The following ATP10A variants were observed in gnomAD, a reference collection of about 807,000 sequenced individuals.
ATP10A encodes the protein ATPase phospholipid transporting 10A (putative).
In ATP10A, 111 loss-of-function variants were observed where a neutral mutation model predicts 147.8. The ratio of observed to expected loss-of-function variants is 0.75; its 90% CI spans 0.64 to 0.88. The LOEUF (loss-of-function observed/expected upper bound fraction) is 0.88. Among genes scored for constraint, ATP10A ranks in the 40% least tolerant of loss-of-function variants. ATP10A has a pLI of 0.00. For synonymous variants in ATP10A, 875 were observed against 841.6 expected (o/e 1.04, Z -0.69); for missense variants, 1,927 against 1,959.0 (o/e 0.98, Z 0.31).
chr15:25,846,180 C>T (rs565632518), intron 1 of ATP10A, among the ~76,000 whole-genome samples: 16 of 151,982 alleles, frequency 1.1e-4, no homozygotes, highest in Non-Finnish European at 1.8e-4. Flanking sequence ...TAGTGTTTCA[C>T]GGGCACAAAG....
In ATP10A at chr15:25,774,208, A is replaced by G. The variant is rs534283858; in HGVS notation, c.654+6811T>C. ...AAAAAATTTTAAGTTTCCACACAAT[A>G]TAAGAAGATCTTTTTGGATAAATAT... On this transcript the variant is annotated intron_variant, in intron 2 of 20. Coordinates refer to ENST00000555815, the MANE Select transcript of ATP10A (RefSeq NM_024490.4). 1.8e-3 allele frequency among the ~76,000 whole-genome samples: 278 copies of G among 152,374 alleles called. 1 individual carries two copies. The highest frequency in any genetic ancestry group is 3.4e-3 in the Non-Finnish European group (232 of 68,034).
At chr15:25,680,347 C>T (rs758670645) in intron 19 of ATP10A, 39 bp from the exon 20 acceptor site, 2 of 1,585,748 alleles carry the variant, frequency 1.3e-6, no homozygotes, top group Non-Finnish European at 1.7e-6. Flanking sequence ...TTATTTCCAC[C>T]TAAAAGTGAC....
At chr15:25,799,005 T>TA (rs1481679033) in intron 1 of ATP10A, among the ~76,000 whole-genome samples, 2 of 152,138 alleles carry the variant, frequency 1.3e-5, no homozygotes, top group African/African-American at 2.4e-5. Context: ...AACCATAAGG[T>TA]GCCTGTTTGG....
chr15:25,844,939 T>G (rs1478861959), intron 1 of ATP10A, among the ~76,000 whole-genome samples: 1 of 152,220 alleles, frequency 6.6e-6, no homozygotes. Flanking sequence ...TGTGTGCTTC[T>G]GATTTTATCC....
chr15:25,692,788 ATTCT>A (rs1266225009), intron 14 of ATP10A, among the ~76,000 whole-genome samples: 9 of 152,150 alleles, frequency 5.9e-5, no homozygotes, highest in South Asian at 4.2e-4. Context: ...GCTTTAACGC[ATTCT>A]TTCTTTCTTT....
chr15:25,771,910 G>A (rs780472159), intron 2 of ATP10A, among the ~76,000 whole-genome samples: 2 of 151,910 alleles, frequency 1.3e-5, no homozygotes, highest in Non-Finnish European at 2.9e-5. Context: ...CCACCACCAC[G>A]CCTGGATAAT....
intron 1 of ATP10A, 194 bp downstream of exon 1, chr15:25,862,454 G>T: frequency 1.4e-6 from 1 of 703,980 alleles, no homozygotes; most frequent in Non-Finnish European, 2.4e-6. Flanking sequence ...CTTTAGCTGC[G>T]GCGGAGGCAC....
intron 2 of ATP10A, among the ~76,000 whole-genome samples, chr15:25,761,512 A>G (rs1888756384): frequency 6.6e-6 from 1 of 152,372 alleles, no homozygotes; most frequent in African/African-American, 2.4e-5. Flanking sequence ...GCCAGCTGTG[A>G]AAGCAGCCAG....
At chr15:25,820,467 T>C (rs1460344217) in intron 1 of ATP10A, among the ~76,000 whole-genome samples, 1 of 152,078 alleles carries the variant, frequency 6.6e-6, no homozygotes, top group Non-Finnish European at 1.5e-5. Context: ...AGAAGAGCAA[T>C]CCCAACTAAA....
chr15:25,751,952 A>G (rs759213460), intron 2 of ATP10A, among the ~76,000 whole-genome samples: 6 of 151,596 alleles, frequency 4.0e-5, no homozygotes, highest in Non-Finnish European at 8.8e-5. Flanking sequence ...GCAAATTAGA[A>G]CCACAATGAG....
In ATP10A at chr15:25,687,105, G is replaced by A. The variant is rs1338127622; in HGVS notation, c.3291+598C>T. Among the ~76,000 whole-genome samples the A allele has an allele frequency of 1.9e-5, 2 of 107,666 alleles. 1 individual carries two copies. Among genetic ancestry groups the A allele is most frequent in the Non-Finnish European group, 3.4e-5 (2 of 59,650 alleles). The allele number at this position is 107,666 out of a possible 152,430, so 70.6% of individuals were successfully genotyped here. On this transcript the variant is annotated intron_variant, in intron 16 of 20. Coordinates refer to ENST00000555815, the MANE Select transcript of ATP10A (RefSeq NM_024490.4). The stretch of plus-strand genomic sequence containing the variant: ...AGCCTCCCTGACCTAGGGGCTTGCC[G>A]CCTGTCACCTGTCCTGGTGTGGGTG...
intron 12 of ATP10A, among the ~76,000 whole-genome samples, chr15:25,707,650 G>A (rs1901114527): frequency 1.1e-5 from 1 of 87,152 alleles, no homozygotes; most frequent in Non-Finnish European, 2.2e-5. Context: ...AAGTTTCCCT[G>A]TTTCCCGAGG....
chr15:25,683,501 G>A lies in ATP10A; in HGVS notation c.3292-15C>T. ...CCCACGAACATCTGAAATCAAGAAA[G>A]GAAGAACAGGAACAGGCGAGTCTTC... On this transcript the variant is annotated splice_polypyrimidine_tract_variant and intron_variant, in intron 16 of 20. Transcript: ENST00000555815. The A allele has an allele frequency of 6.2e-7, 1 of 1,603,652 alleles. No individual in the cohort carries two copies. The highest frequency in any genetic ancestry group is 1.1e-5 in the South Asian group (1 of 89,604).
chr15:25,861,340 G>T (rs12900932), intron 1 of ATP10A, among the ~76,000 whole-genome samples: 95,404 of 152,100 alleles, frequency 0.63, 35,444 homozygotes, highest in Non-Finnish European at 0.8. Flanking sequence ...AGCTGTGCGG[G>T]CGGGAAGACC....
At chr15:25,689,910 G>A (rs956507325) in intron 15 of ATP10A, among the ~76,000 whole-genome samples, 1 of 152,252 alleles carries the variant, frequency 6.6e-6, no homozygotes, top group Non-Finnish European at 1.5e-5. Context: ...ATGTTTACTA[G>A]ACGAGTTTCC....
At chr15:25,856,622 C>T (rs1330199568) in intron 1 of ATP10A, among the ~76,000 whole-genome samples, 4 of 152,168 alleles carry the variant, frequency 2.6e-5, no homozygotes, top group Admixed American at 1.3e-4. Context: ...TAGGACACCA[C>T]CATTTGGCAA....
chr15:25,679,843 T>A lies in ATP10A; in HGVS notation c.3998A>T (p.Asp1333Val). ...ETFAQGRLPKDSGTEHSSGRT... is the reference protein window; with the variant it reads ...ETFAQGRLPKVSGTEHSSGRT... ...CCCTGATGAGTGCTCGGTTCCCGAGTCCTTCGGGAGGCGTCCCTGAGCAAA... is the reference window on the plus strand; with the variant it reads ...CCCTGATGAGTGCTCGGTTCCCGAGACCTTCGGGAGGCGTCCCTGAGCAAA... Residue 1333 changes from aspartate (D) to valine (V), a missense_variant, in exon 21 of 21, where the codon GAC becomes GTC. By Grantham distance (152) the Asp-to-Val change is radical (BLOSUM62 -3). Coordinates refer to ENST00000555815, the MANE Select transcript of ATP10A (RefSeq NM_024490.4). 6.2e-7 allele frequency: 1 copy of A among 1,611,138 alleles called. No homozygotes were observed. The highest frequency in any genetic ancestry group is 1.7e-5 in the Admixed American group (1 of 60,018).
At chr15:25,790,172 A>T (rs1299241446) in intron 1 of ATP10A, among the ~76,000 whole-genome samples, 3 of 152,216 alleles carry the variant, frequency 2.0e-5, no homozygotes, top group African/African-American at 7.2e-5. Context: ...ATGCTAATGG[A>T]TTCTGAATCT....
At chr15:25,754,724 T>C (rs1271024992) in intron 2 of ATP10A, among the ~76,000 whole-genome samples, 2 of 152,194 alleles carry the variant, frequency 1.3e-5, no homozygotes, top group Non-Finnish European at 2.9e-5. Context: ...ACCTGCCTTT[T>C]TCATGTATAT....
Sources: gnomAD v4.1 joint callset for allele counts (sites outside exome capture counted in the v4.1 genomes callset) on GRCh38, gnomAD v4.1.1 for gene constraint, MANE v1.5 for transcripts, NCBI Gene and HGNC (gene_info 2026-07-23, HGNC 2026-07-21) for gene names.